Variants in UBE2N observed in about 807,000 individuals in gnomAD.
UBE2N encodes ubiquitin-conjugating enzyme E2 N.
For synonymous variants in UBE2N, 70 were observed against 69.2 expected, an observed-to-expected ratio of 1.01 and a Z score of -0.06; for missense variants, 60 against 192.1, an observed-to-expected ratio of 0.31 and a Z score of 4.07.
At chr12:93,441,765 G>A (rs1485245303) in intron 1 of UBE2N, 90 bp downstream of exon 1, 22 of 1,527,912 alleles carry the variant, frequency 1.4e-5, no homozygotes, top group South Asian at 3.6e-5. Flanking sequence ...AGAGCGGGCC[G>A]CGGGCCGAAG....
chr12:93,434,625 A>G (rs1878875166), intron 1 of UBE2N, among the ~76,000 whole-genome samples: 1 of 152,240 alleles, frequency 6.6e-6, no homozygotes. Context: ...CACTATCAAA[A>G]GCAGTTCAAG....
chr12:93,438,466 A>C (rs1879002615), intron 1 of UBE2N, among the ~76,000 whole-genome samples: 1 of 152,136 alleles, frequency 6.6e-6, no homozygotes. Context: ...CTTATTGTTC[A>C]GGGTACAGCA....
intron 1 of UBE2N, chr12:93,424,470 A>G (rs748315784): frequency 6.6e-6 from 1 of 152,252 alleles, no homozygotes; most frequent in African/African-American, 2.4e-5. Flanking sequence ...CAGTAACACA[A>G]TTTTGTATAA....
At chr12:93,417,215 G>C (rs1011874531) in intron 1 of UBE2N, among the ~76,000 whole-genome samples, 1 of 152,154 alleles carries the variant, frequency 6.6e-6, no homozygotes, top group Admixed American at 6.5e-5. Context: ...ATTTTTAAAA[G>C]GAATCAAATA....
intron 1 of UBE2N, among the ~76,000 whole-genome samples, chr12:93,428,125 G>A (rs1434453650): frequency 6.6e-6 from 1 of 152,040 alleles, no homozygotes; most frequent in African/African-American, 2.4e-5. Context: ...TCTTCATGTT[G>A]CCCAGGCTTT....
At position 93,431,249 on chromosome 12, in the gene UBE2N, C is replaced by A. The variant is rs908046933; in HGVS notation, c.30+10606G>T. On this transcript the variant is annotated intron_variant, in intron 1 of 3. Coordinates refer to ENST00000318066, the MANE Select transcript of UBE2N (RefSeq NM_003348.4). ...GTCTCAAAAAAAGCCAACCAACCAA[C>A]CAAACAAACAAAACACAACCCAAAA... Among the ~76,000 whole-genome samples, 5 of 152,254 alleles carry A rather than the reference C, an allele frequency of 3.3e-5. No individual in the cohort carries two copies. In the South Asian group the frequency reaches 6.2e-4, roughly 19 times the overall value.
chr12:93,428,441 C>T (rs1878656813), intron 1 of UBE2N, among the ~76,000 whole-genome samples: 1 of 152,132 alleles, frequency 6.6e-6, no homozygotes, highest in African/African-American at 2.4e-5. Flanking sequence ...AAATATCATC[C>T]TCTAAAAACC....
Position 93,409,101 on chromosome 12 carries a change from T to A in UBE2N, c.*938A>T, listed in dbSNP as rs1877954595. 6.6e-6 allele frequency: 1 copy of A among 152,614 alleles called. No individual in the cohort carries two copies. The highest frequency in any genetic ancestry group is 1.5e-5 in the Non-Finnish European group (1 of 68,032). 9.5% of individuals were successfully genotyped at this position (152,614 alleles called of 1,614,324 possible). On this transcript the variant is annotated 3_prime_UTR_variant, in exon 4 of 4. Transcript: ENST00000318066. ...CAACACAAACACATTTATTTCAAATTCCTAGAAGGTTAAAAAAAGGTCAGA... is the reference window on the plus strand; with the variant it reads ...CAACACAAACACATTTATTTCAAATACCTAGAAGGTTAAAAAAAGGTCAGA...
chr12:93,418,748 A>G (rs1878301936), intron 1 of UBE2N, among the ~76,000 whole-genome samples: 1 of 152,204 alleles, frequency 6.6e-6, no homozygotes, highest in South Asian at 2.1e-4. Flanking sequence ...GTAAAAAGAA[A>G]CAAGTAAAAT....
intron 1 of UBE2N, among the ~76,000 whole-genome samples, chr12:93,420,678 G>T (rs1287008205): frequency 6.6e-6 from 1 of 152,098 alleles, no homozygotes; most frequent in Non-Finnish European, 1.5e-5. Flanking sequence ...TACTGTATCT[G>T]CTGTGTTCAT....
At chr12:93,431,820 A>C (rs139354678) in intron 1 of UBE2N, among the ~76,000 whole-genome samples, 1 of 152,240 alleles carries the variant, frequency 6.6e-6, no homozygotes, top group Non-Finnish European at 1.5e-5. Context: ...CTATATTTCT[A>C]GATGATGCCA....
At chr12:93,438,851 T>C (rs1033455447) in intron 1 of UBE2N, among the ~76,000 whole-genome samples, 7 of 152,160 alleles carry the variant, frequency 4.6e-5, no homozygotes, top group East Asian at 1.9e-4. Flanking sequence ...ACTGGGTGAA[T>C]AGTAGTCCAG....
intron 1 of UBE2N, among the ~76,000 whole-genome samples, chr12:93,429,503 C>T (rs752634353): frequency 1.6e-4 from 24 of 151,486 alleles, no homozygotes; most frequent in Admixed American, 1.1e-3. Context: ...ATTCCTATTG[C>T]CTAGTATTTA....
At chr12:93,441,613 G>C (rs915580658) in intron 1 of UBE2N, among the ~76,000 whole-genome samples, 1 of 151,950 alleles carries the variant, frequency 6.6e-6, no homozygotes, top group Admixed American at 6.5e-5. Context: ...TCCCTGGCCC[G>C]CCGGGCAGCC....
intron 1 of UBE2N, among the ~76,000 whole-genome samples, chr12:93,414,448 CAAAAAAAAA>C (rs398020640): frequency 2.7e-5 from 2 of 73,988 alleles, no homozygotes; most frequent in African/African-American, 4.2e-5. Context: ...AGCTCCGTCT[CAAAAAAAAA>C]AAAAAAAAAA....
intron 1 of UBE2N, among the ~76,000 whole-genome samples, chr12:93,437,799 C>T (rs1309332179): frequency 1.3e-5 from 2 of 152,094 alleles, no homozygotes; most frequent in Non-Finnish European, 2.9e-5. Context: ...AACAAACAAA[C>T]AAACAAACAA....
intron 1 of UBE2N, among the ~76,000 whole-genome samples, chr12:93,422,361 GCTGT>G (rs1299272461): frequency 6.6e-6 from 1 of 152,126 alleles, no homozygotes; most frequent in African/African-American, 2.4e-5. Context: ...AAATAATGTA[GCTGT>G]CTATCTTAAT....
chr12:93,437,041 T>C (rs1316177225), intron 1 of UBE2N, among the ~76,000 whole-genome samples: 1 of 152,006 alleles, frequency 6.6e-6, no homozygotes, highest in Non-Finnish European at 1.5e-5. Flanking sequence ...GGTGGAAGAA[T>C]CACTTGAGCC....
chr12:93,422,455 C>T (rs1333036496), intron 1 of UBE2N, among the ~76,000 whole-genome samples: 1 of 152,224 alleles, frequency 6.6e-6, no homozygotes, highest in Non-Finnish European at 1.5e-5. Context: ...CTTAGTAACA[C>T]AGTTCATTGG....
Sources: allele counts gnomAD v4.1 joint callset (sites outside exome capture counted in the v4.1 genomes callset), GRCh38; gene constraint gnomAD v4.1.1; transcripts MANE v1.5; gene names NCBI Gene and HGNC (gene_info 2026-07-23, HGNC 2026-07-21).